PTPRD: variants seen among roughly 807,000 people sequenced by gnomAD.
The protein encoded by PTPRD is receptor-type tyrosine-protein phosphatase delta.
A neutral mutation model predicts 214.5 loss-of-function variants in PTPRD; 34 were observed. That is an observed-to-expected ratio of 0.16 (90% CI 0.12 to 0.21). The LOEUF is 0.21. Among genes scored for constraint, PTPRD ranks in the 10% least tolerant of loss-of-function variants. The probability of loss-of-function intolerance (pLI) is 1.00; values close to 1 mark genes in which losing one functional copy is unlikely to be tolerated. For missense variants in PTPRD, 2,545 were observed against 2,398.7 expected (o/e 1.06, Z -1.27); for synonymous variants, 1,128 against 845.7 (o/e 1.33, Z -5.79).
At chr9:9,293,881 G>T (rs1952068558) in intron 9 of PTPRD, among the ~76,000 whole-genome samples, 1 of 151,384 alleles carries the variant, frequency 6.6e-6, no homozygotes, top group Admixed American at 6.6e-5. Flanking sequence ...ACAGATAAAA[G>T]ATCTTAGCAA....
chr9:9,095,012 C>T (rs1372982955), intron 10 of PTPRD, among the ~76,000 whole-genome samples: 1 of 152,052 alleles, frequency 6.6e-6, no homozygotes, highest in Non-Finnish European at 1.5e-5. Flanking sequence ...GAATGTCTAG[C>T]CCAACATTTG....
intron 7 of PTPRD, among the ~76,000 whole-genome samples, chr9:9,650,617 G>A (rs1247742494): frequency 1.3e-5 from 2 of 151,946 alleles, no homozygotes; most frequent in Non-Finnish European, 2.9e-5. Flanking sequence ...CATATACTAG[G>A]GCCTCTCAGA....
intron 2 of PTPRD, among the ~76,000 whole-genome samples, chr9:10,540,291 G>A (rs1224944232): frequency 6.6e-6 from 1 of 152,190 alleles, no homozygotes; most frequent in Non-Finnish European, 1.5e-5. Context: ...GCCTCCCAGA[G>A]TGCTGGGATT....
At chr9:8,627,709 G>A (rs2096088325) in intron 14 of PTPRD, among the ~76,000 whole-genome samples, 4 of 151,674 alleles carry the variant, frequency 2.6e-5, no homozygotes, top group East Asian at 1.9e-4. Flanking sequence ...AATGAATAGC[G>A]TCTCCTCACA....
At chr9:9,164,967 C>T (rs909701082) in intron 10 of PTPRD, among the ~76,000 whole-genome samples, 26 of 151,400 alleles carry the variant, frequency 1.7e-4, no homozygotes, top group African/African-American at 4.4e-4. Context: ...GTAGGAGAAT[C>T]GCTTAACCCA....
At chr9:9,774,966 C>G (rs1278902316) in intron 5 of PTPRD, among the ~76,000 whole-genome samples, 1 of 152,158 alleles carries the variant, frequency 6.6e-6, no homozygotes, top group East Asian at 1.9e-4. Context: ...AATGGCAGCT[C>G]TGACATTATG....
chr9:10,051,488 T>A (rs2097534105), intron 3 of PTPRD, among the ~76,000 whole-genome samples: 3 of 152,132 alleles, frequency 2.0e-5, no homozygotes, highest in African/African-American at 7.2e-5. Context: ...TTAGGGTTCA[T>A]GTGCACAACA....
At chr9:8,919,885 T>C (rs966212032) in intron 11 of PTPRD, among the ~76,000 whole-genome samples, 16 of 135,318 alleles carry the variant, frequency 1.2e-4, no homozygotes, top group Admixed American at 9.3e-4. Flanking sequence ...GTATCATGCA[T>C]ACATAGATGT....
chr9:9,026,524 T>C (rs772590379), intron 10 of PTPRD, among the ~76,000 whole-genome samples: 16 of 152,014 alleles, frequency 1.1e-4, no homozygotes, highest in Admixed American at 6.6e-4. Flanking sequence ...AAGGTAGTCA[T>C]GGAGTCTGGT....
chr9:9,923,561 C>T (rs1233518211), intron 5 of PTPRD, among the ~76,000 whole-genome samples: 1 of 151,810 alleles, frequency 6.6e-6, no homozygotes, highest in Non-Finnish European at 1.5e-5. Context: ...TTAAACGTTT[C>T]CTACAAAGAA....
intron 7 of PTPRD, among the ~76,000 whole-genome samples, chr9:9,696,023 G>A (rs2097367476): frequency 6.6e-6 from 1 of 151,836 alleles, no homozygotes; most frequent in South Asian, 2.1e-4. Flanking sequence ...TTAGGTCCTG[G>A]GCTCTTTTTT....
chr9:9,693,629 T>G, intron 7 of PTPRD, among the ~76,000 whole-genome samples: 1 of 152,186 alleles, frequency 6.6e-6, no homozygotes, highest in East Asian at 1.9e-4. Flanking sequence ...TGTTAATATA[T>G]TTCTCTAGGT....
chr9:9,167,552 C>T (rs970108940), intron 10 of PTPRD, among the ~76,000 whole-genome samples: 5 of 151,818 alleles, frequency 3.3e-5, no homozygotes, highest in African/African-American at 9.7e-5. Context: ...ATCGGGAGTT[C>T]GAGACCAGCC....
intron 10 of PTPRD, among the ~76,000 whole-genome samples, chr9:9,142,372 A>G (rs2099861997): frequency 6.6e-6 from 1 of 152,140 alleles, no homozygotes; most frequent in South Asian, 2.1e-4. Context: ...TTTTAGAATG[A>G]GCTTGGGAGT....
chr9:9,851,942 C>T (rs902511418), intron 5 of PTPRD, among the ~76,000 whole-genome samples: 6 of 152,130 alleles, frequency 3.9e-5, no homozygotes, highest in Middle Eastern at 3.2e-3. Context: ...TTTATATTCA[C>T]TGAAAATGTT....
At chr9:8,456,927 C>T (rs2096229112) in intron 33 of PTPRD, among the ~76,000 whole-genome samples, 1 of 152,114 alleles carries the variant, frequency 6.6e-6, no homozygotes, top group Admixed American at 6.5e-5. Flanking sequence ...GTAAGGTTAA[C>T]AGTTTATTTT....
intron 5 of PTPRD, among the ~76,000 whole-genome samples, chr9:9,809,815 G>T (rs1247349343): frequency 6.6e-6 from 1 of 152,138 alleles, no homozygotes; most frequent in Non-Finnish European, 1.5e-5. Context: ...AAGGGAAAAT[G>T]GTGACTTTGA....
chr9:9,259,652 A>C (rs561278461), intron 9 of PTPRD, among the ~76,000 whole-genome samples: 2 of 152,100 alleles, frequency 1.3e-5, no homozygotes, highest in South Asian at 4.1e-4. Context: ...TTCACCTTTC[A>C]GGAAACTTAG....
intron 6 of PTPRD, among the ~76,000 whole-genome samples, chr9:9,758,764 T>TC (rs2098617099): frequency 1.3e-5 from 1 of 78,428 alleles, no homozygotes; most frequent in African/African-American, 5.0e-5. Context: ...ATCCCACTAC[T>TC]CCCACCCCCC....
Sources: gnomAD v4.1 joint callset for allele counts (sites outside exome capture counted in the v4.1 genomes callset) on GRCh38, gnomAD v4.1.1 for gene constraint, MANE v1.5 for transcripts, NCBI Gene and HGNC (gene_info 2026-07-23, HGNC 2026-07-21) for gene names.